Variants in DOCK2 observed in about 807,000 individuals in gnomAD.
DOCK2 encodes dedicator of cytokinesis protein 2.
Under a neutral mutation model 248.9 loss-of-function variants are expected in DOCK2, and 87 were observed. The observed-to-expected ratio is 0.35, with a 90% CI of 0.29 to 0.42. DOCK2 has a LOEUF of 0.42. Among genes scored for constraint, DOCK2 ranks in the 10% least tolerant of loss-of-function variants. The pLI is 1.00. For synonymous variants in DOCK2, 805 were observed against 821.6 expected, an observed-to-expected ratio of 0.98 and a Z score of 0.35; for missense variants, 1,747 against 2,300.2, an observed-to-expected ratio of 0.76 and a Z score of 4.92.
At chr5:169,808,563 A>G (rs1767545608) in intron 26 of DOCK2, among the ~76,000 whole-genome samples, 1 of 149,578 alleles carries the variant, frequency 6.7e-6, no homozygotes, top group African/African-American at 2.5e-5. Context: ...AAAAGGCCTG[A>G]CTTCTTCCTC....
chr5:169,818,919 T>C (rs139488067), intron 26 of DOCK2, among the ~76,000 whole-genome samples: 1 of 152,342 alleles, frequency 6.6e-6, no homozygotes, highest in African/African-American at 2.4e-5. Context: ...TTATGTTTCA[T>C]CTTAATTATT....
rs763950012 is a variant in DOCK2, at chr5:169,835,259, G to GTTTTTTTTTTTTTTTT, written c.2704-5498_2704-5497insTTTTTTTTTTTTTTTT. Among the ~76,000 whole-genome samples, 3 of 138,610 alleles carry GTTTTTTTTTTTTTTTT rather than the reference G, an allele frequency of 2.2e-5. 1 individual carries two copies. Among genetic ancestry groups the GTTTTTTTTTTTTTTTT allele is most frequent in the Non-Finnish European group, 3.0e-5 (2 of 66,280 alleles). 90.9% of individuals were successfully genotyped at this position (138,610 alleles called of 152,430 possible). A position where few individuals can be genotyped will look rare whatever the true frequency, so the allele number is the denominator to read the frequency against. On this transcript the variant is annotated intron_variant, in intron 26 of 51. Transcript: ENST00000520908. ...AGTGGGAGGAAAGAGTGAAATGCCT[G>GTTTTTTTTTTTTTTTT]GTTTTTTTTTTTTTTTTTTTGAGAC... is the stretch of plus-strand genomic sequence containing the variant.
chr5:169,870,744 C>G (rs1352889545), intron 27 of DOCK2, among the ~76,000 whole-genome samples: 4 of 151,996 alleles, frequency 2.6e-5, no homozygotes, highest in Non-Finnish European at 4.4e-5. Flanking sequence ...TTTATTTTAT[C>G]CTCATGATAG....
At chr5:170,031,176 G>T (rs1463687066) in intron 34 of DOCK2, among the ~76,000 whole-genome samples, 1 of 152,226 alleles carries the variant, frequency 6.6e-6, no homozygotes, top group African/African-American at 2.4e-5. Flanking sequence ...AGTTCTAGAA[G>T]TGGTGAGGGA....
chr5:169,986,614 A>C (rs929763031), intron 29 of DOCK2, among the ~76,000 whole-genome samples: 1 of 152,198 alleles, frequency 6.6e-6, no homozygotes, highest in Non-Finnish European at 1.5e-5. Flanking sequence ...AACATTCATT[A>C]ATCTTTTCTA....
At chr5:170,065,372 T>C (rs942000612) in intron 44 of DOCK2, among the ~76,000 whole-genome samples, 3 of 151,960 alleles carry the variant, frequency 2.0e-5, no homozygotes, top group Non-Finnish European at 2.9e-5. Flanking sequence ...CAGAAAACAA[T>C]GAACAGAATG....
chr5:170,007,125 G>T (rs574435494), intron 30 of DOCK2, among the ~76,000 whole-genome samples: 1 of 152,370 alleles, frequency 6.6e-6, no homozygotes, highest in East Asian at 1.9e-4. Flanking sequence ...ATGATGTTAT[G>T]TTATCAGTGG....
chr5:169,770,939 T>A (rs1765045978), intron 25 of DOCK2, among the ~76,000 whole-genome samples: 1 of 152,232 alleles, frequency 6.6e-6, no homozygotes, highest in Non-Finnish European at 1.5e-5. Flanking sequence ...TCTCTTGTTG[T>A]AAATGTTCAA....
At chr5:170,030,129 A>G (rs1239294977) in intron 34 of DOCK2, among the ~76,000 whole-genome samples, 1 of 152,254 alleles carries the variant, frequency 6.6e-6, no homozygotes, top group African/African-American at 2.4e-5. Flanking sequence ...AGCAATGTAC[A>G]GTGCTGGCAA....
chr5:169,804,206 C>A (rs1367114548), intron 26 of DOCK2, among the ~76,000 whole-genome samples: 3 of 152,306 alleles, frequency 2.0e-5, no homozygotes, highest in Non-Finnish European at 4.4e-5. Flanking sequence ...CCATTATGAT[C>A]AATTTCCTTG....
chr5:169,651,552 C>A, intron 1 of DOCK2, among the ~76,000 whole-genome samples: 1 of 152,162 alleles, frequency 6.6e-6, no homozygotes, highest in East Asian at 1.9e-4. Context: ...CAGAGACTAA[C>A]ACACATTGTG....
intron 34 of DOCK2, among the ~76,000 whole-genome samples, chr5:170,030,887 G>T (rs1192903609): frequency 6.6e-6 from 1 of 152,166 alleles, no homozygotes; most frequent in Non-Finnish European, 1.5e-5. Context: ...GCTTGGATGG[G>T]GCCTTGGTGA....
chr5:169,700,203 A>C, intron 13 of DOCK2, 64 bp downstream of exon 13: 1 of 1,558,138 alleles, frequency 6.4e-7, no homozygotes, highest in Non-Finnish European at 8.7e-7. Flanking sequence ...TGTCTAATTC[A>C]TTTTCCTTCT....
chr5:169,846,012 G>A lies in DOCK2; in HGVS notation c.2799+5160G>A, dbSNP rs115684692. Among the ~76,000 whole-genome samples, 1,089 of 152,250 alleles carry A rather than the reference G, an allele frequency of 7.2e-3. 10 individuals carry two copies. Among genetic ancestry groups the A allele is most frequent in the African/African-American group, 0.025 (1,022 of 41,530 alleles). On this transcript the variant is annotated intron_variant, in intron 27 of 51. Transcript: ENST00000520908. ...AAGGGTCCCTGTCTTAGCACTGAAG[G>A]CCCCAATCTAATTTTGAATTGAAAT...
At chr5:169,736,235 C>T (rs1763033570) in intron 22 of DOCK2, among the ~76,000 whole-genome samples, 1 of 152,156 alleles carries the variant, frequency 6.6e-6, no homozygotes. Flanking sequence ...ATTTCTTTCA[C>T]CCCTCGTGGC....
intron 27 of DOCK2, among the ~76,000 whole-genome samples, chr5:169,907,403 C>T (rs781510596): frequency 2.6e-5 from 4 of 152,218 alleles, no homozygotes; most frequent in Non-Finnish European, 5.9e-5. Context: ...TGTTTACTCT[C>T]TGCTGGGTTT....
chr5:169,637,333 C>T lies in DOCK2; in HGVS notation c.7C>T (p.Pro3Ser), dbSNP rs760518046. 6.3e-6 allele frequency: 9 copies of T among 1,425,352 alleles called. No individual in the cohort carries two copies. The South Asian group carries it at 1.3e-4, about 20-fold the overall frequency. 88.3% of individuals were successfully genotyped at this position (1,425,352 alleles called of 1,614,324 possible). ...GCGAGGCCCCGGCCCAGCCATGGCC[C>T]CCTGGCGCAAAGCTGACAAGGAGCG... MAPWRKADKERHG... is the reference protein window; with the variant it reads MASWRKADKERHG... Residue 3 changes from proline (P) to serine (S), a missense_variant, in exon 1 of 52, where the codon CCC (proline) becomes TCC (serine). Physicochemically the swap from Pro to Ser is moderately conservative, Grantham distance 74 (BLOSUM62 -1). Coordinates refer to ENST00000520908, the MANE Select transcript of DOCK2 (RefSeq NM_004946.3).
chr5:169,653,838 G>A (rs899932179), intron 1 of DOCK2, among the ~76,000 whole-genome samples: 1 of 152,184 alleles, frequency 6.6e-6, no homozygotes, highest in Non-Finnish European at 1.5e-5. Context: ...ATTACAACAT[G>A]GCAGGCTCTT....
chr5:169,901,306 G>T (rs1406247147), intron 27 of DOCK2, among the ~76,000 whole-genome samples: 1 of 152,154 alleles, frequency 6.6e-6, no homozygotes, highest in Non-Finnish European at 1.5e-5. Context: ...CAGAGAGCAG[G>T]CCACAGTTGG....
Sources: gnomAD v4.1 joint callset for allele counts (sites outside exome capture counted in the v4.1 genomes callset) on GRCh38, gnomAD v4.1.1 for gene constraint, MANE v1.5 for transcripts, NCBI Gene and HGNC (gene_info 2026-07-23, HGNC 2026-07-21) for gene names.